Variants in PTPA observed in about 807,000 individuals in gnomAD.
The protein encoded by PTPA is protein phosphatase 2 phosphatase activator.
Under a neutral mutation model 43.6 loss-of-function variants are expected in PTPA, and 13 were observed. The ratio of observed to expected loss-of-function variants is 0.30; its 90% CI spans 0.19 to 0.47. The LOEUF (loss-of-function observed/expected upper bound fraction) is 0.47, where lower values mean the gene tolerates loss of function less well. Ranked by LOEUF, PTPA falls within the 20% of genes least tolerant of loss-of-function variation. The pLI, the probability that PTPA is intolerant of heterozygous loss-of-function variation, is 0.99. For synonymous variants in PTPA, 172 were observed against 158.2 expected (o/e 1.09, Z -0.66); for missense variants, 329 against 411.9 (o/e 0.80, Z 1.74).
chr9:129,119,939 G>C (rs938465468), intron 1 of PTPA, among the ~76,000 whole-genome samples: 3 of 152,014 alleles, frequency 2.0e-5, no homozygotes, highest in African/African-American at 7.2e-5. Flanking sequence ...TTATTCTAAG[G>C]CTCAGGTGTT....
In PTPA at chr9:129,147,485, C is replaced by T; in HGVS notation, c.*21C>T. On this transcript the variant is annotated 3_prime_UTR_variant, in exon 10 of 10. Transcript: ENST00000393370. ...GCTAGGAGGGGCCAAGCCGAAGAGC[C>T]ACCCAGGCCACAGTTCCTGTGCCTG... 1 of 1,609,060 alleles carries T rather than the reference C, an allele frequency of 6.2e-7. No individual in the cohort carries two copies. The highest frequency in any genetic ancestry group is 1.1e-5 in the South Asian group (1 of 90,964).
intron 5 of PTPA, among the ~76,000 whole-genome samples, chr9:129,131,895 C>T (rs937163343): frequency 1.3e-5 from 2 of 152,170 alleles, no homozygotes; most frequent in African/African-American, 2.4e-5. Context: ...GCTTGCGCAG[C>T]GCTGCTTTCT....
chr9:129,121,219 C>T (rs1423783907), intron 2 of PTPA, among the ~76,000 whole-genome samples: 1 of 152,202 alleles, frequency 6.6e-6, no homozygotes. Flanking sequence ...GCCCAGTTCT[C>T]GTCAGGCTCC....
At chr9:129,142,715 C>T (rs776050548) in intron 9 of PTPA, 163 bp downstream of exon 9, 3 of 1,540,124 alleles carry the variant, frequency 1.9e-6, no homozygotes, top group South Asian at 2.4e-5. Flanking sequence ...CTCGGAATCT[C>T]CCATCTGGGG....
chr9:129,117,159 C>T (rs1162205200), intron 1 of PTPA, among the ~76,000 whole-genome samples: 3 of 151,404 alleles, frequency 2.0e-5, no homozygotes, highest in Non-Finnish European at 4.4e-5. Flanking sequence ...GTGATCCTCC[C>T]GCCTCAGCCC....
At position 129,147,545 on chromosome 9, in the gene PTPA, C is replaced by CGAT; in HGVS notation, c.*81_*82insGAT. 7.1e-7 allele frequency: 1 copy of CGAT among 1,416,598 alleles called. No homozygotes were observed. Among genetic ancestry groups the CGAT allele is most frequent in the Non-Finnish European group, 9.8e-7 (1 of 1,017,810 alleles). The allele number at this position is 1,416,598 out of a possible 1,614,324, so 87.8% of individuals were successfully genotyped here. A position where few individuals can be genotyped will look rare whatever the true frequency, so the allele number is the denominator to read the frequency against. ...CCCCAGCAGTGGCCCCTCCCCATCC[C>CGAT]CTCCCTCTGTTCGTCCCGTTTGATG... On this transcript the variant is annotated 3_prime_UTR_variant, in exon 10 of 10. Transcript: ENST00000393370.
intron 1 of PTPA, among the ~76,000 whole-genome samples, chr9:129,114,531 G>T (rs1848744834): frequency 6.6e-6 from 1 of 152,136 alleles, no homozygotes; most frequent in Admixed American, 6.5e-5. Context: ...TGTTTTATAA[G>T]ATGTGTGCAA....
intron 4 of PTPA, among the ~76,000 whole-genome samples, 153 bp from the exon 5 acceptor site, chr9:129,131,369 G>C (rs897002794): frequency 2.0e-5 from 3 of 152,218 alleles, no homozygotes; most frequent in Non-Finnish European, 2.9e-5. Context: ...AATAAATGCT[G>C]TCCCTCCCCT....
At chr9:129,132,083 T>A (rs1850014935) in intron 5 of PTPA, among the ~76,000 whole-genome samples, 1 of 152,102 alleles carries the variant, frequency 6.6e-6, no homozygotes, top group Non-Finnish European at 1.5e-5. Context: ...CTTAGCCACA[T>A]TCTCTGTGCT....
At chr9:129,145,883 T>C (rs1291561576) in intron 9 of PTPA, among the ~76,000 whole-genome samples, 1 of 152,030 alleles carries the variant, frequency 6.6e-6, no homozygotes, top group Non-Finnish European at 1.5e-5. Context: ...CCCAGGTACA[T>C]GGGAGGGCCT....
At chr9:129,133,046 T>G (rs1325811500) in intron 5 of PTPA, among the ~76,000 whole-genome samples, 2 of 144,528 alleles carry the variant, frequency 1.4e-5, no homozygotes, top group African/African-American at 2.6e-5. Flanking sequence ...GCATTCTCTG[T>G]GTCAGGGCAC....
chr9:129,129,244 CTTAGCAAAATTACAAATGAGT>C (rs1849787079), intron 4 of PTPA, 134 bp downstream of exon 4: 1 of 1,288,216 alleles, frequency 7.8e-7, no homozygotes, highest in African/African-American at 1.5e-5. Flanking sequence ...GTCAATTTCA[CTTAGCAAAATTACAAATGAGT>C]TTATACTCTG....
intron 9 of PTPA, chr9:129,142,999 TG>T: frequency 2.4e-6 from 3 of 1,245,046 alleles, no homozygotes; most frequent in Non-Finnish European, 3.2e-6. Flanking sequence ...CACTGAGTGG[TG>T]GGAGGTCTGA....
intron 9 of PTPA, chr9:129,142,862 T>A: frequency 6.6e-7 from 1 of 1,525,270 alleles, no homozygotes; most frequent in Non-Finnish European, 8.8e-7. Context: ...TTCTCCTTTA[T>A]CAAGTGGCCA....
chr9:129,145,244 T>TC (rs1463034120), intron 9 of PTPA, among the ~76,000 whole-genome samples: 3 of 149,338 alleles, frequency 2.0e-5, no homozygotes, highest in Non-Finnish European at 4.4e-5. Flanking sequence ...GGCAGGACAG[T>TC]CACTTGAATT....
intron 9 of PTPA, among the ~76,000 whole-genome samples, chr9:129,145,767 T>A (rs1851256826): frequency 6.6e-6 from 1 of 152,140 alleles, no homozygotes; most frequent in Admixed American, 6.5e-5. Flanking sequence ...CATGGCTGTG[T>A]GGGTGCTGCC....
chr9:129,139,163 G>A (rs1454670268), intron 8 of PTPA, among the ~76,000 whole-genome samples: 3 of 152,206 alleles, frequency 2.0e-5, no homozygotes, highest in Non-Finnish European at 4.4e-5. Flanking sequence ...CTAACTAGGA[G>A]GCATGCCAGG....
Position 129,111,441 on chromosome 9 carries a change from G to A in PTPA, c.-160G>A, listed in dbSNP as rs1848474716. On this transcript the variant is annotated 5_prime_UTR_variant, in exon 1 of 10. Transcript: ENST00000393370. ...CCGACATGGCGGCCGTCTTCGCTGT[G>A]GTGACTTTAACTCTCGGTTTTCGGT... The A allele has an allele frequency of 8.0e-7, 1 of 1,252,782 alleles. No individual in the cohort carries two copies. Among genetic ancestry groups the A allele is most frequent in the Non-Finnish European group, 1.0e-6 (1 of 990,964 alleles). 77.6% of individuals were successfully genotyped at this position (1,252,782 alleles called of 1,614,324 possible).
chr9:129,122,782 A>G (rs1045034133), intron 2 of PTPA, among the ~76,000 whole-genome samples: 1 of 152,168 alleles, frequency 6.6e-6, no homozygotes, highest in African/African-American at 2.4e-5. Flanking sequence ...GCTATTGTGT[A>G]AAAAAACTGC....
Sources: allele counts gnomAD v4.1 joint callset (sites outside exome capture counted in the v4.1 genomes callset), GRCh38; gene constraint gnomAD v4.1.1; transcripts MANE v1.5; gene names NCBI Gene and HGNC (gene_info 2026-07-23, HGNC 2026-07-21).